ETFA: variants seen among roughly 807,000 people sequenced by gnomAD.
The protein encoded by ETFA is electron transfer flavoprotein subunit alpha, mitochondrial.
A neutral mutation model predicts 46.2 loss-of-function variants in ETFA; 22 were observed. That is an observed-to-expected ratio of 0.48 (90% CI 0.34 to 0.68). The LOEUF (loss-of-function observed/expected upper bound fraction) is 0.68, where lower values mean the gene tolerates loss of function less well. ETFA is among the 30% of genes least tolerant of loss of function. The pLI is 0.01. For synonymous variants in ETFA, 131 were observed against 139.9 expected (o/e 0.94, Z 0.45); for missense variants, 345 against 401.1 (o/e 0.86, Z 1.19).
intron 3 of ETFA, 46 bp downstream of exon 3, chr15:76,292,573 C>T (rs1232755134): frequency 1.3e-5 from 20 of 1,582,872 alleles, no homozygotes; most frequent in Admixed American, 1.7e-5. Context: ...TTCATATATT[C>T]AAGCGTAATT....
intron 9 of ETFA, among the ~76,000 whole-genome samples, chr15:76,250,517 T>C (rs575435915): frequency 1.2e-4 from 18 of 152,180 alleles, no homozygotes; most frequent in Admixed American, 1.0e-3. Context: ...CTTGAAACAA[T>C]AGTAATCAAA....
chr15:76,300,213 GT>G (rs1372794634), intron 1 of ETFA, among the ~76,000 whole-genome samples: 1 of 152,052 alleles, frequency 6.6e-6, no homozygotes, highest in East Asian at 1.9e-4. Context: ...TCTTTCCTAA[GT>G]GCTAGACTTA....
chr15:76,292,756 G>A, intron 2 of ETFA, 56 bp from the exon 3 acceptor site: 8 of 1,150,130 alleles, frequency 7.0e-6, no homozygotes, highest in Non-Finnish European at 1.1e-5. Context: ...TACAAATAAA[G>A]CCACCACTAT....
At chr15:76,234,806 G>A (rs1183578856) in intron 9 of ETFA, among the ~76,000 whole-genome samples, 2 of 152,074 alleles carry the variant, frequency 1.3e-5, no homozygotes, top group African/African-American at 2.4e-5. Flanking sequence ...TATAGAGAAG[G>A]GATAGCACTT....
At chr15:76,260,137 T>G in intron 9 of ETFA, 1 of 1,392,944 alleles carries the variant, frequency 7.2e-7, no homozygotes, top group Non-Finnish European at 1.0e-6. Flanking sequence ...TCCTTTGCCC[T>G]ATATCCAGCC....
intron 9 of ETFA, among the ~76,000 whole-genome samples, chr15:76,257,114 A>C (rs1315291050): frequency 6.6e-6 from 1 of 152,194 alleles, no homozygotes; most frequent in African/African-American, 2.4e-5. Flanking sequence ...TTTAAACAGC[A>C]ACTAACAGCT....
chr15:76,295,657 G>A lies in ETFA; in HGVS notation c.120C>T (p.Thr40=). 1.2e-6 allele frequency: 2 copies of A among 1,613,140 alleles called. No homozygotes were observed. Among genetic ancestry groups the A allele is most frequent in the Non-Finnish European group, 1.7e-6 (2 of 1,179,400 alleles). The change falls in exon 2 of 12, where the codon ACC becomes ACT. Residue 40 remains threonine (T), a synonymous_variant. Transcript: ENST00000557943. Reference sequence around the variant, plus strand: ...CTCCAAGGCGTGTGGCTGCAGTAATGGTATTTAAAGTAATGGGTGCTAGGG... The same window carrying A: ...CTCCAAGGCGTGTGGCTGCAGTAATAGTATTTAAAGTAATGGGTGCTAGGG... The part of the protein sequence containing the change: ...NDSLAPITLN[T]ITAATRLGGE...
At chr15:76,286,589 A>G (rs1482360678) in intron 5 of ETFA, 108 bp from the exon 6 acceptor site, 1 of 742,764 alleles carries the variant, frequency 1.3e-6, no homozygotes, top group African/African-American at 1.7e-5. Context: ...ATAACTATTG[A>G]CCAGTTGTCT....
At chr15:76,293,955 AG>A (rs1451382070) in intron 2 of ETFA, among the ~76,000 whole-genome samples, 1 of 151,852 alleles carries the variant, frequency 6.6e-6, no homozygotes, top group Non-Finnish European at 1.5e-5. Flanking sequence ...AAAATGGGGC[AG>A]AATTTTCCCA....
At chr15:76,218,834 G>T (rs923377017) in intron 11 of ETFA, among the ~76,000 whole-genome samples, 1 of 152,062 alleles carries the variant, frequency 6.6e-6, no homozygotes, top group African/African-American at 2.4e-5. Flanking sequence ...CTTCCTCCAG[G>T]TAGTACTAAG....
intron 9 of ETFA, among the ~76,000 whole-genome samples, chr15:76,252,174 T>G (rs1228710532): frequency 6.6e-6 from 1 of 152,144 alleles, no homozygotes; most frequent in Non-Finnish European, 1.5e-5. Context: ...GTGACTTTAT[T>G]TTTATATAAT....
chr15:76,294,211 G>C (rs2039796176), intron 2 of ETFA, among the ~76,000 whole-genome samples: 1 of 152,176 alleles, frequency 6.6e-6, no homozygotes, highest in African/African-American at 2.4e-5. Flanking sequence ...TCTTTTTAAA[G>C]TAATATTACA....
chr15:76,249,542 T>C (rs542117265), intron 9 of ETFA, among the ~76,000 whole-genome samples: 1 of 148,836 alleles, frequency 6.7e-6, no homozygotes, highest in African/African-American at 2.5e-5. Context: ...CCCGGGTTCA[T>C]GCCATTCTCC....
At chr15:76,286,336 G>A (rs1206673437) in intron 6 of ETFA, 35 bp downstream of exon 6, 1 of 1,277,170 alleles carries the variant, frequency 7.8e-7, no homozygotes, top group African/African-American at 1.5e-5. Context: ...AAAAAAGTAA[G>A]AAACAAAACA....
At position 76,269,130 on chromosome 15, in the gene ETFA, C is replaced by CT. The variant is rs1430166466; in HGVS notation, c.816+5281dup. On this transcript the variant is annotated intron_variant, in intron 9 of 11. Coordinates refer to ENST00000557943, the MANE Select transcript of ETFA (RefSeq NM_000126.4). ...AATAATTATGTGCTTGTGCTGTCTC[C>CT]TTTTAGTCTGCAGATGCGGAAGCCA... Among the ~76,000 whole-genome samples the CT allele has an allele frequency of 1.3e-5, 2 of 152,164 alleles. 1 individual carries two copies. The highest frequency in any genetic ancestry group is 1.3e-4 in the Admixed American group (2 of 15,284).
intron 9 of ETFA, among the ~76,000 whole-genome samples, chr15:76,242,345 T>C (rs1004458841): frequency 1.3e-5 from 2 of 152,222 alleles, no homozygotes; most frequent in Non-Finnish European, 2.9e-5. Flanking sequence ...TAGTATTCTT[T>C]CCATTCACCA....
intron 9 of ETFA, among the ~76,000 whole-genome samples, chr15:76,243,628 G>A (rs528836781): frequency 3.3e-5 from 5 of 151,814 alleles, no homozygotes; most frequent in African/African-American, 9.7e-5. Flanking sequence ...GCGAAACCCC[G>A]CCTCTGCTAA....
intron 9 of ETFA, among the ~76,000 whole-genome samples, chr15:76,243,202 G>A (rs1220260483): frequency 1.3e-5 from 2 of 151,924 alleles, no homozygotes; most frequent in African/African-American, 2.4e-5. Flanking sequence ...GGCTGAGGCA[G>A]GAGAATTGCT....
chr15:76,299,279 A>G (rs1031596683), intron 1 of ETFA, among the ~76,000 whole-genome samples: 1 of 151,986 alleles, frequency 6.6e-6, no homozygotes, highest in East Asian at 1.9e-4. Context: ...TCCTCTCCTG[A>G]TGTTTCTTCT....
Sources: allele counts gnomAD v4.1 joint callset (sites outside exome capture counted in the v4.1 genomes callset), GRCh38; gene constraint gnomAD v4.1.1; transcripts MANE v1.5; gene names NCBI Gene and HGNC (gene_info 2026-07-23, HGNC 2026-07-21).